Variants in CHN2 observed in about 807,000 individuals in gnomAD.
CHN2 encodes chimerin 2.
CHN2 carries 35 observed loss-of-function variants against 56.3 expected under a neutral mutation model. That is an observed-to-expected ratio of 0.62 (90% confidence interval 0.47 to 0.82). CHN2 has a LOEUF of 0.82. Among genes scored for constraint, CHN2 ranks in the 40% least tolerant of loss-of-function variants. The probability of loss-of-function intolerance (pLI) is 0.00; values close to 1 mark genes in which losing one functional copy is unlikely to be tolerated. For missense variants in CHN2, 491 were observed against 580.5 expected (o/e 0.85, Z 1.58); for synonymous variants, 210 against 212.8 (o/e 0.99, Z 0.12).
chr7:29,460,899 C>T (rs1785116608), intron 6 of CHN2, among the ~76,000 whole-genome samples: 1 of 152,182 alleles, frequency 6.6e-6, no homozygotes, highest in Non-Finnish European at 1.5e-5. Flanking sequence ...TTCTCTGGGC[C>T]TCAGTTTCCT....
At chr7:29,505,901 A>G (rs1461646868) in intron 10 of CHN2, among the ~76,000 whole-genome samples, 1 of 152,236 alleles carries the variant, frequency 6.6e-6, no homozygotes, top group African/African-American at 2.4e-5. Context: ...ACTGTTTGCT[A>G]AATATGTAAA....
chr7:29,402,355 C>A (rs990002451), intron 6 of CHN2, among the ~76,000 whole-genome samples: 1 of 152,152 alleles, frequency 6.6e-6, no homozygotes, highest in Admixed American at 6.5e-5. Context: ...TCCAAAGCAC[C>A]TGTTTATTCT....
intron 2 of CHN2, among the ~76,000 whole-genome samples, chr7:29,170,934 A>G (rs1430283670): frequency 2.0e-5 from 3 of 152,184 alleles, no homozygotes; most frequent in Admixed American, 2.0e-4. Context: ...CAAGAAAAAC[A>G]TGGGAAAGAC....
Position 29,270,646 on chromosome 7 carries a change from CAG to C in CHN2, c.49+75659_49+75660del, listed in dbSNP as rs201321416. Among the ~76,000 whole-genome samples, 1,484 of 150,770 alleles carry C rather than the reference CAG, an allele frequency of 9.8e-3. 13 individuals carry two copies. Among genetic ancestry groups the C allele is most frequent in the Non-Finnish European group, 0.014 (981 of 67,896 alleles). ...GTCACTGCACTCCAGCCTTGGGCAACAGAGCAAGACTCTGTCTCAAAAAATAA... is the reference window on the plus strand; with the variant it reads ...GTCACTGCACTCCAGCCTTGGGCAACAGCAAGACTCTGTCTCAAAAAATAA... On this transcript the variant is annotated intron_variant, in intron 1 of 12. Transcript: ENST00000222792.
chr7:29,438,018 T>A (rs1783368150), intron 6 of CHN2, among the ~76,000 whole-genome samples: 1 of 152,200 alleles, frequency 6.6e-6, no homozygotes, highest in African/African-American at 2.4e-5. Context: ...ACCTCACCCT[T>A]ATCTCTTAGT....
chr7:29,310,269 CAT>C (rs1156434041), intron 1 of CHN2, among the ~76,000 whole-genome samples: 1 of 152,010 alleles, frequency 6.6e-6, no homozygotes, highest in African/African-American at 2.4e-5. Context: ...ATGATACATC[CAT>C]AGAGTGGAAT....
chr7:29,432,796 G>A (rs1429702482), intron 6 of CHN2, among the ~76,000 whole-genome samples: 2 of 152,128 alleles, frequency 1.3e-5, no homozygotes, highest in African/African-American at 2.4e-5. Context: ...TTTGTTCATC[G>A]TTAGGGTATT....
chr7:29,344,205 G>A (rs773838841), intron 1 of CHN2, among the ~76,000 whole-genome samples: 10 of 152,110 alleles, frequency 6.6e-5, no homozygotes, highest in South Asian at 2.1e-4. Context: ...CACCTTCCTC[G>A]GTTACTGGAC....
chr7:29,211,274 T>C (rs1391475674), intron 1 of CHN2, among the ~76,000 whole-genome samples: 1 of 151,704 alleles, frequency 6.6e-6, no homozygotes, highest in Non-Finnish European at 1.5e-5. Context: ...GAGATGGGGT[T>C]TCACCATGTT....
chr7:29,282,809 A>G (rs1489697838), intron 1 of CHN2, among the ~76,000 whole-genome samples: 2 of 152,252 alleles, frequency 1.3e-5, no homozygotes, highest in Non-Finnish European at 1.5e-5. Context: ...AGAGAAAGAC[A>G]TAATCTTATT....
chr7:29,474,672 CA>C (rs59433119), intron 6 of CHN2, among the ~76,000 whole-genome samples: 2,199 of 152,256 alleles, frequency 0.014, 61 homozygotes, highest in African/African-American at 0.05. Flanking sequence ...ACTCAATAAA[CA>C]GAACTGTAGA....
At chr7:29,352,346 C>CG (rs1172086211) in intron 1 of CHN2, among the ~76,000 whole-genome samples, 2 of 112,202 alleles carry the variant, frequency 1.8e-5, no homozygotes, top group African/African-American at 3.4e-5. Flanking sequence ...TGTGTGCAGT[C>CG]TGTCGTGTGT....
chr7:29,459,073 T>G (rs901585524), intron 6 of CHN2, among the ~76,000 whole-genome samples: 1 of 152,248 alleles, frequency 6.6e-6, no homozygotes, highest in African/African-American at 2.4e-5. Flanking sequence ...TTCCCTTTTA[T>G]GTAGTTTCAG....
intron 7 of CHN2, among the ~76,000 whole-genome samples, chr7:29,492,225 C>CTCTATTT (rs1788739944): frequency 6.6e-6 from 1 of 152,154 alleles, no homozygotes; most frequent in Non-Finnish European, 1.5e-5. Context: ...CTGAAGAAAA[C>CTCTATTT]TCTATTTTTA....
intron 6 of CHN2, among the ~76,000 whole-genome samples, chr7:29,412,023 A>C (rs561214806): frequency 1.3e-5 from 2 of 152,234 alleles, no homozygotes; most frequent in East Asian, 3.9e-4. Flanking sequence ...CTTACTTGTC[A>C]CCATTACTGA....
chr7:29,403,677 A>G (rs1802411213), intron 6 of CHN2, among the ~76,000 whole-genome samples: 1 of 152,160 alleles, frequency 6.6e-6, no homozygotes. Context: ...GCAGAAAAAA[A>G]AAAAAAGTTG....
intron 6 of CHN2, among the ~76,000 whole-genome samples, chr7:29,429,072 A>T (rs1805155137): frequency 1.3e-5 from 2 of 152,154 alleles, no homozygotes; most frequent in South Asian, 4.1e-4. Flanking sequence ...GCAGAAATGG[A>T]TGGGTCACCG....
chr7:29,202,300 C>T (rs910347917), intron 1 of CHN2, among the ~76,000 whole-genome samples: 1 of 152,150 alleles, frequency 6.6e-6, no homozygotes, highest in Non-Finnish European at 1.5e-5. Context: ...ACAAAAAGCC[C>T]ACATCAGGGC....
intron 1 of CHN2, among the ~76,000 whole-genome samples, chr7:29,240,784 T>C (rs200151629): frequency 1.1e-3 from 163 of 145,898 alleles, no homozygotes; most frequent in African/African-American, 3.7e-3. Context: ...TTCTTCTTTT[T>C]CTTCTTCTTC....
Sources: allele counts gnomAD v4.1 joint callset (sites outside exome capture counted in the v4.1 genomes callset), GRCh38; gene constraint gnomAD v4.1.1; transcripts MANE v1.5; gene names NCBI Gene and HGNC (gene_info 2026-07-23, HGNC 2026-07-21).